The following IL2RB variants were observed in gnomAD, a reference collection of about 807,000 sequenced individuals.
The protein encoded by IL2RB is interleukin-2 receptor subunit beta.
IL2RB carries 17 observed loss-of-function variants against 44.2 expected under a neutral mutation model. That is an observed-to-expected ratio of 0.38 (90% CI 0.26 to 0.58). The LOEUF (loss-of-function observed/expected upper bound fraction) is 0.58, where lower values mean the gene tolerates loss of function less well. Ranked by LOEUF, IL2RB falls within the 20% of genes least tolerant of loss-of-function variation. IL2RB has a pLI of 0.63. For synonymous variants in IL2RB, 286 were observed against 297.9 expected, an observed-to-expected ratio of 0.96 and a Z score of 0.41; for missense variants, 624 against 685.5, an observed-to-expected ratio of 0.91 and a Z score of 1.00.
chr22:37,151,078 T>C (rs1490803666), upstream of IL2RB, among the ~76,000 whole-genome samples: 1 of 152,230 alleles, frequency 6.6e-6, no homozygotes, highest in Non-Finnish European at 1.5e-5. Context: ...TCCTTTCTTC[T>C]GGGTATATAC....
Position 37,135,050 on chromosome 22 carries a change from C to T in IL2RB, c.818+278G>A, listed in dbSNP as rs114382265. 4.1e-3 allele frequency among the ~76,000 whole-genome samples: 631 copies of T among 152,292 alleles called. 7 individuals are homozygous for T. Among genetic ancestry groups the T allele is most frequent in the African/African-American group, 0.015 (610 of 41,546 alleles). ...TCTCCCTGGAGGGCTGCACCTCCCA[C>T]CTTCCCCTCGGGTTGGTTCCACAGG... On this transcript the variant is annotated intron_variant, in intron 8 of 9. Transcript: ENST00000216223.
intron 1 of IL2RB, among the ~76,000 whole-genome samples, chr22:37,157,214 C>T (rs761226770): frequency 6.6e-6 from 1 of 152,218 alleles, no homozygotes; most frequent in Admixed American, 6.5e-5. Flanking sequence ...TTCCTGAGGG[C>T]TGTCCTCCGA....
upstream of IL2RB, among the ~76,000 whole-genome samples, chr22:37,154,088 C>T (rs1922587812): frequency 6.6e-6 from 1 of 152,112 alleles, no homozygotes; most frequent in African/African-American, 2.4e-5. Flanking sequence ...CGGGGTAGGA[C>T]CAAGGGAGGG....
At chr22:37,153,017 C>A (rs1364149556), upstream of IL2RB, among the ~76,000 whole-genome samples, 2 of 150,148 alleles carry the variant, frequency 1.3e-5, no homozygotes, top group African/African-American at 5.0e-5. Flanking sequence ...TCACTGCAAC[C>A]TCTGCCCACA....
chr22:37,158,643 G>A (rs576391446), intron 1 of IL2RB, among the ~76,000 whole-genome samples: 1 of 152,352 alleles, frequency 6.6e-6, no homozygotes, highest in South Asian at 2.1e-4. Flanking sequence ...ACGAAGTTCA[G>A]AATACACGTG....
At chr22:37,137,335 T>C (rs964520069) in intron 6 of IL2RB, among the ~76,000 whole-genome samples, 1 of 152,198 alleles carries the variant, frequency 6.6e-6, no homozygotes, top group Non-Finnish European at 1.5e-5. Context: ...GCTGCCTATC[T>C]CCTGGCTTTC....
chr22:37,135,283 T>G, intron 8 of IL2RB, 45 bp downstream of exon 8: 2 of 1,303,514 alleles, frequency 1.5e-6, no homozygotes, highest in Non-Finnish European at 2.2e-6. Context: ...TGTGTGCACG[T>G]TGGAGGGGTG....
intron 1 of IL2RB, among the ~76,000 whole-genome samples, chr22:37,144,561 A>G (rs1056478171): frequency 1.3e-5 from 2 of 152,214 alleles, no homozygotes; most frequent in African/African-American, 4.8e-5. Flanking sequence ...CCTGACCAAC[A>G]TGGTGAAACC....
At chr22:37,163,826 G>A (rs1265469241) in intron 1 of IL2RB, among the ~76,000 whole-genome samples, 2 of 152,236 alleles carry the variant, frequency 1.3e-5, no homozygotes, top group Non-Finnish European at 2.9e-5. Flanking sequence ...AAAGCAGCAG[G>A]GGACGAAGGG....
chr22:37,174,030 G>A (rs1923371841), intron 1 of IL2RB, among the ~76,000 whole-genome samples: 1 of 152,166 alleles, frequency 6.6e-6, no homozygotes, highest in South Asian at 2.1e-4. Flanking sequence ...ACCCCAACCT[G>A]TGAGTGGGAC....
In IL2RB at chr22:37,143,412, C is replaced by G. The variant is rs1922060677; in HGVS notation, c.203+109G>C. ...CTGTGATTCAAAAAGTCTGTGGGTC[C>G]CATTAGTCCAAGATTCTGTAAACGT... On this transcript the variant is annotated intron_variant, in intron 3 of 9. Coordinates refer to ENST00000216223, the MANE Select transcript of IL2RB (RefSeq NM_000878.5). 3 of 696,704 alleles carry G rather than the reference C, an allele frequency of 4.3e-6. No homozygotes were observed. The South Asian group carries it at 5.5e-5, about 13-fold the overall frequency. The allele number at this position is 696,704 out of a possible 1,614,324, so 43.2% of individuals were successfully genotyped here. A position where few individuals can be genotyped will look rare whatever the true frequency, so the allele number is the denominator to read the frequency against.
intron 1 of IL2RB, among the ~76,000 whole-genome samples, chr22:37,155,194 T>G (rs1372600250): frequency 6.6e-6 from 1 of 152,076 alleles, no homozygotes; most frequent in Non-Finnish European, 1.5e-5. Flanking sequence ...GAGGTGCACC[T>G]GCTTTCTTCA....
At chr22:37,160,834 A>T (rs1922841636) in intron 1 of IL2RB, among the ~76,000 whole-genome samples, 2 of 151,714 alleles carry the variant, frequency 1.3e-5, no homozygotes, top group South Asian at 4.2e-4. Context: ...ACAGAGCGAG[A>T]CTCAGTCTCA....
chr22:37,158,634 C>T (rs765339821), intron 1 of IL2RB, among the ~76,000 whole-genome samples: 3 of 152,178 alleles, frequency 2.0e-5, no homozygotes, highest in Non-Finnish European at 4.4e-5. Flanking sequence ...AGACAAAAAA[C>T]GAAGTTCAGA....
At chr22:37,140,731 C>A (rs1040412390) in intron 4 of IL2RB, among the ~76,000 whole-genome samples, 2 of 152,276 alleles carry the variant, frequency 1.3e-5, no homozygotes, top group Admixed American at 1.3e-4. Flanking sequence ...GCCCAGGAGG[C>A]TTTGACAGAC....
At chr22:37,171,930 A>G (rs1358621673) in intron 1 of IL2RB, among the ~76,000 whole-genome samples, 3 of 152,020 alleles carry the variant, frequency 2.0e-5, no homozygotes, top group Admixed American at 2.0e-4. Flanking sequence ...CCTTATATAA[A>G]CCTCTTTTAT....
At chr22:37,144,307 C>T in intron 1 of IL2RB, 102 bp from the exon 2 acceptor site, 3 of 1,405,440 alleles carry the variant, frequency 2.1e-6, no homozygotes, top group Non-Finnish European at 2.8e-6. Context: ...GCATGGTCTG[C>T]ACTCCTCGGT....
At position 37,128,049 on chromosome 22, in the gene IL2RB, C is replaced by T. The variant is rs987922301; in HGVS notation, c.*47G>A. The T allele has an allele frequency of 2.8e-6, 4 of 1,442,450 alleles. No individual in the cohort carries two copies. The highest frequency in any genetic ancestry group is 2.9e-5 in the Admixed American group (1 of 34,710). 89.4% of individuals were successfully genotyped at this position (1,442,450 alleles called of 1,614,324 possible). ...GACCCTCAACAGGGTCCTTCTGAGG[C>T]TCGGCGCAGAGCAGGCAGCTGCCTG... On this transcript the variant is annotated 3_prime_UTR_variant, in exon 10 of 10. Coordinates refer to ENST00000216223, the MANE Select transcript of IL2RB (RefSeq NM_000878.5). The surrounding 1 kb of genome is among the most constrained non-coding windows in gnomAD (Gnocchi z 4.5).
chr22:37,129,571 C>T (rs1365119565), intron 9 of IL2RB, among the ~76,000 whole-genome samples: 1 of 152,152 alleles, frequency 6.6e-6, no homozygotes, highest in African/African-American at 2.4e-5. Context: ...GGGTTCTAGC[C>T]CTGGCCCTGG....
Sources: gnomAD v4.1 joint callset for allele counts (sites outside exome capture counted in the v4.1 genomes callset) on GRCh38, gnomAD v4.1.1 for gene constraint, Gnocchi (gnomAD v3.1) non-coding constraint, MANE v1.5 for transcripts, NCBI Gene and HGNC (gene_info 2026-07-23, HGNC 2026-07-21) for gene names.